The following TOM1 variants were observed in gnomAD, a reference collection of about 807,000 sequenced individuals.
TOM1 encodes target of myb1 membrane trafficking protein.
Under a neutral mutation model 61.3 loss-of-function variants are expected in TOM1, and 38 were observed. The observed-to-expected ratio is 0.62, with a 90% confidence interval of 0.48 to 0.81. The LOEUF is 0.81. Among genes scored for constraint, TOM1 ranks in the 40% least tolerant of loss-of-function variants. The probability of loss-of-function intolerance (pLI) is 0.00; values close to 1 mark genes in which losing one functional copy is unlikely to be tolerated. For synonymous variants in TOM1, 270 were observed against 268.8 expected (o/e 1.00, Z -0.04); for missense variants, 591 against 659.6 (o/e 0.90, Z 1.14).
At chr22:35,342,906 CCACA>C (rs778513783) in intron 12 of TOM1, among the ~76,000 whole-genome samples, 1 of 146,454 alleles carries the variant, frequency 6.8e-6, no homozygotes, top group Non-Finnish European at 1.5e-5. Context: ...TCTACACCCA[CCACA>C]CACACCTCCA....
intron 11 of TOM1, among the ~76,000 whole-genome samples, chr22:35,337,036 C>T (rs1374353791): frequency 2.6e-5 from 4 of 151,724 alleles, no homozygotes; most frequent in South Asian, 2.1e-4. Context: ...CCTGGGTTCA[C>T]GCCATTCTCC....
intron 12 of TOM1, among the ~76,000 whole-genome samples, chr22:35,339,572 G>A (rs1929689807): frequency 6.6e-6 from 1 of 152,294 alleles, no homozygotes; most frequent in Admixed American, 6.5e-5. Context: ...CCTCTCTAGA[G>A]ACTTTTAATC....
At chr22:35,313,277 G>T (rs1051936926) in intron 1 of TOM1, among the ~76,000 whole-genome samples, 3 of 151,942 alleles carry the variant, frequency 2.0e-5, no homozygotes, top group Non-Finnish European at 4.4e-5. Flanking sequence ...AACCCGGGAG[G>T]CAGAGGTTGC....
chr22:35,318,373 T>G, intron 2 of TOM1: 1 of 195,170 alleles, frequency 5.1e-6, no homozygotes, highest in Non-Finnish European at 1.1e-5. Context: ...AGACTTCCAT[T>G]TCCTTAAGAT....
chr22:35,301,032 C>A (rs1358521910), intron 1 of TOM1, among the ~76,000 whole-genome samples: 2 of 139,828 alleles, frequency 1.4e-5, no homozygotes, highest in Non-Finnish European at 3.0e-5. Flanking sequence ...GGCAACATGG[C>A]GAGACCCCGT....
chr22:35,343,805 C>T (rs897194420), intron 12 of TOM1, among the ~76,000 whole-genome samples: 2 of 149,912 alleles, frequency 1.3e-5, no homozygotes, highest in Admixed American at 1.3e-4. Context: ...CACCTACCCA[C>T]ACCTACACCT....
chr22:35,345,670 A>G, intron 12 of TOM1, 55 bp from the exon 13 acceptor site: 1 of 1,584,184 alleles, frequency 6.3e-7, no homozygotes, highest in East Asian at 2.2e-5. Flanking sequence ...CTGAGCTGGC[A>G]CGTCTTCCAC....
chr22:35,330,070 G>C (rs1473921839), intron 7 of TOM1, among the ~76,000 whole-genome samples: 1 of 151,912 alleles, frequency 6.6e-6, no homozygotes, highest in African/African-American at 2.4e-5. Flanking sequence ...GTGAGGTCAG[G>C]AGATCGAGAC....
At chr22:35,330,598 A>C in intron 8 of TOM1, 118 bp downstream of exon 8, 1 of 1,070,698 alleles carries the variant, frequency 9.3e-7, no homozygotes, top group Non-Finnish European at 1.3e-6. Flanking sequence ...TCTCAAACAC[A>C]AGGCAGGCTC....
At position 35,323,887 on chromosome 22, in the gene TOM1, C is replaced by T. The variant is rs150451594; in HGVS notation, c.621C>T (p.Asp207=). The stretch of plus-strand genomic sequence containing the variant: ...CCGCCCCGCCCATACTCTCCGGTGA[C>T]ACGCCCATAGCACCAACCCCGGAAC... The part of the protein sequence containing the change: ...PLPAPPILSG[D]TPIAPTPEQI... The change falls in exon 6 of 15, where the codon GAC becomes GAT. Residue 207 remains aspartate (D), a synonymous_variant. Transcript: ENST00000449058. This position sits in a 1 kb window ranked among gnomAD's most constrained non-coding sequence, Gnocchi z 4.2. 8 of 1,593,646 alleles carry T rather than the reference C, an allele frequency of 5.0e-6. No homozygotes were observed. In the African/African-American group the frequency reaches 1.1e-4, roughly 21 times the overall value.
intron 1 of TOM1, among the ~76,000 whole-genome samples, chr22:35,304,792 T>TA (rs1315529003): frequency 1.3e-5 from 2 of 152,242 alleles, no homozygotes; most frequent in African/African-American, 4.8e-5. Context: ...GGCTCTGTTT[T>TA]ATAGACAGAT....
At chr22:35,313,344 C>CA (rs911758207) in intron 1 of TOM1, among the ~76,000 whole-genome samples, 3,932 of 138,098 alleles carry the variant, frequency 0.028, 168 homozygotes, top group African/African-American at 0.096. Flanking sequence ...GAGACTGTCT[C>CA]AAAAAAAAAA....
Position 35,347,084 on chromosome 22 carries a change from A to G in TOM1, c.1354A>G (p.Lys452Glu). ...EFDKFLEERA[K>E]AADRLPNLSS... The stretch of plus-strand genomic sequence containing the variant: ...TGACAAATTCCTGGAAGAACGGGCC[A>G]AAGCCGCGGACCGATTGCCCAACCT... Residue 452 changes from lysine (K) to glutamate (E), a missense_variant, in exon 15 of 15, where the codon AAA becomes GAA. By Grantham distance (56) the Lys-to-Glu change is moderately conservative. Coordinates refer to ENST00000449058, the MANE Select transcript of TOM1 (RefSeq NM_005488.3). 1.3e-6 allele frequency: 2 copies of G among 1,588,818 alleles called. No individual in the cohort carries two copies. The highest frequency in any genetic ancestry group is 1.7e-6 in the Non-Finnish European group (2 of 1,165,274).
intron 6 of TOM1, among the ~76,000 whole-genome samples, chr22:35,324,200 C>T (rs902794363): frequency 2.0e-5 from 3 of 152,190 alleles, no homozygotes; most frequent in Non-Finnish European, 2.9e-5. Flanking sequence ...GTGTTTTCTG[C>T]GGGGCCCTCC....
At chr22:35,329,467 A>C (rs1277375726) in intron 7 of TOM1, among the ~76,000 whole-genome samples, 2 of 152,250 alleles carry the variant, frequency 1.3e-5, no homozygotes, top group African/African-American at 4.8e-5. Flanking sequence ...TGCCAGACTA[A>C]GGGGAAGCCA....
intron 12 of TOM1, chr22:35,344,077 A>G (rs1476886965): frequency 6.6e-6 from 1 of 152,160 alleles, no homozygotes; most frequent in Non-Finnish European, 1.5e-5. Flanking sequence ...CCCTACACAC[A>G]CACGCCTCCC....
At chr22:35,345,931 T>A (rs1930474071) in intron 13 of TOM1, 147 bp downstream of exon 13, 1 of 839,368 alleles carries the variant, frequency 1.2e-6, no homozygotes, top group Admixed American at 2.1e-5. Context: ...TCCTGCCACC[T>A]GCCCACCTTG....
chr22:35,336,533 G>A (rs1929353849), intron 11 of TOM1, among the ~76,000 whole-genome samples: 1 of 152,242 alleles, frequency 6.6e-6, no homozygotes, highest in Non-Finnish European at 1.5e-5. Context: ...CAATGCCAAG[G>A]AGTAGCAGGG....
intron 1 of TOM1, among the ~76,000 whole-genome samples, chr22:35,301,717 T>C (rs1301633177): frequency 6.6e-6 from 1 of 151,990 alleles, no homozygotes; most frequent in Non-Finnish European, 1.5e-5. Flanking sequence ...TAATCAATGC[T>C]CTCCAAGGGG....
Sources: gnomAD v4.1 joint callset for allele counts (sites outside exome capture counted in the v4.1 genomes callset) on GRCh38, gnomAD v4.1.1 for gene constraint, Gnocchi (gnomAD v3.1) non-coding constraint, MANE v1.5 for transcripts, NCBI Gene and HGNC (gene_info 2026-07-23, HGNC 2026-07-21) for gene names.